Variants in ENPP6 observed in about 807,000 individuals in gnomAD.
ENPP6 encodes ectonucleotide pyrophosphatase/phosphodiesterase 6.
A neutral mutation model predicts 42.0 loss-of-function variants in ENPP6; 32 were observed. That is an observed-to-expected ratio of 0.76 (90% confidence interval 0.58 to 1.02). The LOEUF (loss-of-function observed/expected upper bound fraction) is 1.02, where lower values mean the gene tolerates loss of function less well. ENPP6 is among the 50% of genes least tolerant of loss of function. The probability of loss-of-function intolerance (pLI) is 0.00; values close to 1 mark genes in which losing one functional copy is unlikely to be tolerated. For missense variants in ENPP6, 552 were observed against 566.8 expected (o/e 0.97, Z 0.27); for synonymous variants, 213 against 216.0 (o/e 0.99, Z 0.12).
chr4:184,150,770 C>T (rs1737010715), intron 2 of ENPP6, among the ~76,000 whole-genome samples: 1 of 152,210 alleles, frequency 6.6e-6, no homozygotes, highest in African/African-American at 2.4e-5. Context: ...AAGACTTCAG[C>T]ACAGCCAGAT....
In ENPP6 at chr4:184,114,232, C is replaced by T. The variant is rs566060230; in HGVS notation, c.856-1423G>A. On this transcript the variant is annotated intron_variant, in intron 5 of 7. Transcript: ENST00000296741. ...CCACCCACCTTAGCCTCATAAAGTG[C>T]TGGGATTACAGGCGTCAGCCATCGC... Among the ~76,000 whole-genome samples, 56 of 152,286 alleles carry T rather than the reference C, an allele frequency of 3.7e-4. No individual in the cohort carries two copies. In the Middle Eastern group the frequency reaches 0.024, roughly 65 times the overall value.
In ENPP6 at chr4:184,217,662, A is replaced by G. The variant is rs1733219264; in HGVS notation, c.158T>C (p.Ile53Thr). ...ATCCACTTTTACTCCCCTGCTCACA[A>G]TCTCTTTGAAACCAGGCAATGACTC... ...ALESLPGFKE[I>T]VSRGVKVDYL... The change falls in exon 1 of 8, where the codon ATT becomes ACT. Residue 53 changes from isoleucine to threonine, a missense_variant. Ile to Thr is a moderately conservative substitution (Grantham distance 89). Around this residue, in one of 2 missense-constraint regions of ENPP6, gnomAD observed 545 missense variants for 546.3 expected, o/e 1.00. Transcript: ENST00000296741. 6.2e-7 allele frequency: 1 copy of G among 1,614,048 alleles called. No homozygotes were observed. Among genetic ancestry groups the G allele is most frequent in the Non-Finnish European group, 8.5e-7 (1 of 1,180,038 alleles).
intron 1 of ENPP6, among the ~76,000 whole-genome samples, chr4:184,154,335 A>G (rs1340229540): frequency 6.6e-6 from 1 of 152,266 alleles, no homozygotes; most frequent in African/African-American, 2.4e-5. Flanking sequence ...AGCACAGCTT[A>G]GTCCCAGAAG....
intron 1 of ENPP6, 147 bp from the exon 2 acceptor site, chr4:184,153,880 A>AT (rs35344477): frequency 0.38 from 318,523 of 829,648 alleles, 59,471 homozygotes; most frequent in Admixed American, 0.49. Flanking sequence ...AAAAAATCAG[A>AT]TTTTTTTTTC....
intron 3 of ENPP6, among the ~76,000 whole-genome samples, chr4:184,123,347 C>T (rs1031498054): frequency 3.3e-5 from 5 of 152,188 alleles, no homozygotes; most frequent in Admixed American, 2.6e-4. Context: ...TGAAACCAGG[C>T]TCCTTTTCTT....
chr4:184,140,311 T>G (rs1348960156), intron 2 of ENPP6, among the ~76,000 whole-genome samples: 1 of 151,628 alleles, frequency 6.6e-6, no homozygotes, highest in Admixed American at 6.6e-5. Flanking sequence ...ATGGCCATAC[T>G]GCCCAAGGTA....
chr4:184,185,978 C>T (rs909903271), intron 1 of ENPP6, among the ~76,000 whole-genome samples: 10 of 152,026 alleles, frequency 6.6e-5, no homozygotes, highest in African/African-American at 2.2e-4. Flanking sequence ...TTACCCTTAC[C>T]CATGCTGAAG....
chr4:184,187,040 G>T (rs1004946831), intron 1 of ENPP6, among the ~76,000 whole-genome samples: 1 of 152,106 alleles, frequency 6.6e-6, no homozygotes, highest in Non-Finnish European at 1.5e-5. Context: ...AGAGAAATGT[G>T]TTAAGAAAGC....
At chr4:184,196,616 CATCTTAT>C (rs762305155) in intron 1 of ENPP6, among the ~76,000 whole-genome samples, 29 of 152,154 alleles carry the variant, frequency 1.9e-4, no homozygotes, top group Non-Finnish European at 4.0e-4. Context: ...GGAAGGAGGG[CATCTTAT>C]TTTGGCTTGA....
intron 1 of ENPP6, among the ~76,000 whole-genome samples, chr4:184,159,323 G>C (rs1304849659): frequency 6.6e-6 from 1 of 152,202 alleles, no homozygotes; most frequent in Non-Finnish European, 1.5e-5. Flanking sequence ...TAATGCATTA[G>C]AAGTTGAACT....
chr4:184,198,099 T>G (rs1579661132), intron 1 of ENPP6, among the ~76,000 whole-genome samples: 1 of 152,204 alleles, frequency 6.6e-6, no homozygotes, highest in Admixed American at 6.5e-5. Context: ...AACAGGCATA[T>G]GATGCACTGG....
chr4:184,129,136 T>C (rs1449505843), intron 2 of ENPP6, among the ~76,000 whole-genome samples: 5 of 152,210 alleles, frequency 3.3e-5, no homozygotes, highest in Admixed American at 3.3e-4. Flanking sequence ...TTATTATTAC[T>C]GTTCTAGAAC....
intron 1 of ENPP6, among the ~76,000 whole-genome samples, chr4:184,192,859 A>G (rs1284585582): frequency 6.6e-6 from 1 of 152,238 alleles, no homozygotes; most frequent in Non-Finnish European, 1.5e-5. Flanking sequence ...GCTCAACATC[A>G]TTAGTTTTTA....
chr4:184,173,896 C>T (rs572666600), intron 1 of ENPP6, among the ~76,000 whole-genome samples: 1 of 152,266 alleles, frequency 6.6e-6, no homozygotes, highest in South Asian at 2.1e-4. Context: ...GTCAGATCCA[C>T]AGTGAGTGAG....
intron 5 of ENPP6, among the ~76,000 whole-genome samples, chr4:184,113,903 C>CTT (rs1335908274): frequency 1.6e-5 from 1 of 60,892 alleles, no homozygotes; most frequent in South Asian, 6.2e-4. Flanking sequence ...TCTTTCTTTT[C>CTT]TTTCTTTCTT....
At chr4:184,138,981 G>T (rs555739310) in intron 2 of ENPP6, among the ~76,000 whole-genome samples, 1 of 152,350 alleles carries the variant, frequency 6.6e-6, no homozygotes, top group East Asian at 1.9e-4. Flanking sequence ...GGGGTGAGAA[G>T]GTCCTATCTC....
At chr4:184,199,433 C>T (rs1027506962) in intron 1 of ENPP6, among the ~76,000 whole-genome samples, 3 of 152,354 alleles carry the variant, frequency 2.0e-5, no homozygotes, top group East Asian at 1.9e-4. Context: ...CGTTTCTGTA[C>T]GGTGGCTGCT....
chr4:184,205,500 G>C (rs1382507052), intron 1 of ENPP6, among the ~76,000 whole-genome samples: 1 of 152,260 alleles, frequency 6.6e-6, no homozygotes, highest in African/African-American at 2.4e-5. Flanking sequence ...AGGGTGGTGG[G>C]AGCGAGGCCC....
intron 5 of ENPP6, among the ~76,000 whole-genome samples, chr4:184,115,870 C>T (rs143235703): frequency 6.6e-6 from 1 of 152,306 alleles, no homozygotes; most frequent in East Asian, 1.9e-4. Context: ...CCTAGGGATG[C>T]TGCTGATGCT....
Sources: allele counts gnomAD v4.1 joint callset (sites outside exome capture counted in the v4.1 genomes callset), GRCh38; gene constraint gnomAD v4.1.1; regional missense constraint gnomAD v4.1.1; transcripts MANE v1.5; gene names NCBI Gene and HGNC (gene_info 2026-07-23, HGNC 2026-07-21).